The following RARB variants were observed in gnomAD, a reference collection of about 807,000 sequenced individuals.
RARB encodes HBV-activated protein.
RARB carries 17 observed loss-of-function variants against 51.9 expected under a neutral mutation model. The ratio of observed to expected loss-of-function variants is 0.33; its 90% CI spans 0.22 to 0.49. The LOEUF (loss-of-function observed/expected upper bound fraction) is 0.49. Among genes scored for constraint, RARB ranks in the 20% least tolerant of loss-of-function variants. The pLI is 0.99. For synonymous variants in RARB, 215 were observed against 195.4 expected, an observed-to-expected ratio of 1.10 and a Z score of -0.84; for missense variants, 369 against 550.8, an observed-to-expected ratio of 0.67 and a Z score of 3.30.
At chr3:25,560,899 G>A (rs931092689) in intron 3 of RARB, among the ~76,000 whole-genome samples, 8 of 152,150 alleles carry the variant, frequency 5.3e-5, no homozygotes, top group Non-Finnish European at 1.0e-4. Flanking sequence ...CTCAATAAAT[G>A]TTTGGTGAAT....
chr3:24,981,159 C>T (rs1454134209), intron 2 of RARB, among the ~76,000 whole-genome samples: 2 of 152,162 alleles, frequency 1.3e-5, no homozygotes, highest in Non-Finnish European at 2.9e-5. Flanking sequence ...CAGAGAGGGA[C>T]CCATCTGTAT....
At chr3:25,201,051 A>G (rs990000179) in intron 5 of RARB, among the ~76,000 whole-genome samples, 1 of 152,138 alleles carries the variant, frequency 6.6e-6, no homozygotes, top group Admixed American at 6.5e-5. Flanking sequence ...CATTTTCACG[A>G]TATTGATTCT....
At chr3:25,407,948 C>T (rs185786347) in intron 5 of RARB, among the ~76,000 whole-genome samples, 139 of 152,246 alleles carry the variant, frequency 9.1e-4, no homozygotes, top group African/African-American at 3.0e-3. Flanking sequence ...CTAGCAGGAT[C>T]GAACTCCAGT....
At chr3:25,161,877 C>T (rs534522919) in intron 4 of RARB, among the ~76,000 whole-genome samples, 1 of 152,180 alleles carries the variant, frequency 6.6e-6, no homozygotes, top group African/African-American at 2.4e-5. Context: ...CCTGGCAGAG[C>T]CCCCTGGATT....
intron 5 of RARB, among the ~76,000 whole-genome samples, chr3:25,200,713 G>T (rs1441408197): frequency 2.0e-5 from 3 of 151,932 alleles, no homozygotes; most frequent in Non-Finnish European, 2.9e-5. Context: ...TTTCCCCATT[G>T]CTTGTTTTTC....
chr3:25,209,906 C>G (rs938296257), intron 5 of RARB, among the ~76,000 whole-genome samples: 5 of 152,114 alleles, frequency 3.3e-5, no homozygotes, highest in South Asian at 2.1e-4. Flanking sequence ...TGCCATCTTC[C>G]TACATTTAAC....
At chr3:25,563,976 A>G (rs1303981696) in intron 3 of RARB, among the ~76,000 whole-genome samples, 2 of 140,280 alleles carry the variant, frequency 1.4e-5, no homozygotes, top group African/African-American at 5.4e-5. Flanking sequence ...ATGTGAAAGG[A>G]TTTTTAGTGA....
intron 3 of RARB, among the ~76,000 whole-genome samples, chr3:25,556,345 G>A (rs985298504): frequency 3.9e-5 from 6 of 152,130 alleles, no homozygotes; most frequent in African/African-American, 1.4e-4. Context: ...AGACTGACCT[G>A]GGAGCTTTGG....
Position 24,941,770 on chromosome 3 carries a change from C to T in RARB, c.-380+83018C>T, listed in dbSNP as rs570552384. ...GACTGTAGAACACTTCATTCACTAACATTTTAGAATATTGAATCCAGATTC... is the reference window on the plus strand; with the variant it reads ...GACTGTAGAACACTTCATTCACTAATATTTTAGAATATTGAATCCAGATTC... On this transcript the variant is annotated intron_variant, in intron 2 of 11. Coordinates refer to the RARB transcript ENST00000383772. Among the ~76,000 whole-genome samples, 11 of 152,308 alleles carry T rather than the reference C, an allele frequency of 7.2e-5. No homozygotes were observed. The South Asian group carries it at 2.3e-3, about 32-fold the overall frequency.
chr3:25,045,304 T>C (rs1042181669), intron 2 of RARB, among the ~76,000 whole-genome samples: 1 of 152,196 alleles, frequency 6.6e-6, no homozygotes, highest in Admixed American at 6.5e-5. Flanking sequence ...TCTCCCTTTC[T>C]TCTCTCCCCT....
intron 4 of RARB, among the ~76,000 whole-genome samples, chr3:25,133,963 TAAAAA>T (rs548061331): frequency 3.4e-4 from 43 of 127,588 alleles, no homozygotes; most frequent in Admixed American, 8.0e-4. Context: ...CTGTTTTCAT[TAAAAA>T]AAAAAAAAAA....
At chr3:25,002,955 A>G (rs1386724783) in intron 2 of RARB, among the ~76,000 whole-genome samples, 1 of 152,148 alleles carries the variant, frequency 6.6e-6, no homozygotes, top group Non-Finnish European at 1.5e-5. Context: ...TGATTACTTT[A>G]CAATAGTAAA....
intron 5 of RARB, among the ~76,000 whole-genome samples, chr3:25,390,152 A>C (rs1358619560): frequency 2.6e-5 from 4 of 152,130 alleles, no homozygotes; most frequent in Non-Finnish European, 5.9e-5. Flanking sequence ...GGAGGTGTTT[A>C]GATTGTGAGG....
At chr3:24,964,156 A>G (rs756148210) in intron 2 of RARB, among the ~76,000 whole-genome samples, 13 of 151,656 alleles carry the variant, frequency 8.6e-5, no homozygotes, top group Non-Finnish European at 1.5e-4. Flanking sequence ...CATACTGTAT[A>G]AGGTATAACC....
chr3:25,069,850 T>G (rs1322927653), intron 3 of RARB, among the ~76,000 whole-genome samples: 1 of 152,178 alleles, frequency 6.6e-6, no homozygotes, highest in Non-Finnish European at 1.5e-5. Flanking sequence ...TGGCCTCCAT[T>G]AGGGGAGCCC....
At chr3:25,345,535 C>T (rs994159077) in intron 5 of RARB, among the ~76,000 whole-genome samples, 10 of 151,806 alleles carry the variant, frequency 6.6e-5, no homozygotes, top group African/African-American at 2.2e-4. Context: ...TGTGGTGGTG[C>T]ATGCCTGTAG....
chr3:25,215,882 A>G (rs975380953), intron 5 of RARB, among the ~76,000 whole-genome samples: 3 of 152,056 alleles, frequency 2.0e-5, no homozygotes, highest in African/African-American at 7.2e-5. Flanking sequence ...TTGATGTCAG[A>G]CTCTAGTATT....
intron 2 of RARB, among the ~76,000 whole-genome samples, chr3:24,961,564 A>G (rs945676836): frequency 2.1e-5 from 3 of 145,710 alleles, no homozygotes; most frequent in East Asian, 2.3e-4. Context: ...AAGGAATCAT[A>G]TGAGACTTTC....
intron 2 of RARB, among the ~76,000 whole-genome samples, chr3:25,047,041 C>T (rs1382467355): frequency 6.6e-6 from 1 of 152,144 alleles, no homozygotes; most frequent in Non-Finnish European, 1.5e-5. Context: ...CATTGGACCA[C>T]CCTTGTCACT....
Sources: gnomAD v4.1 joint callset for allele counts (sites outside exome capture counted in the v4.1 genomes callset) on GRCh38, gnomAD v4.1.1 for gene constraint, MANE v1.5 for transcripts, NCBI Gene and HGNC (gene_info 2026-07-23, HGNC 2026-07-21) for gene names.